The following AKT3 variants were observed in gnomAD, a reference collection of about 807,000 sequenced individuals.
The protein encoded by AKT3 is AKT serine/threonine kinase 3, also known as RAC-gamma serine/threonine-protein kinase.
In AKT3, 15 loss-of-function variants were observed where a neutral mutation model predicts 65.3. The observed-to-expected ratio is 0.23, with a 90% CI of 0.15 to 0.35. The LOEUF (loss-of-function observed/expected upper bound fraction) is 0.35, where lower values mean the gene tolerates loss of function less well. Ranked by LOEUF, AKT3 falls within the 10% of genes least tolerant of loss-of-function variation. AKT3 has a pLI of 1.00. For missense variants in AKT3, 243 were observed against 576.5 expected (o/e 0.42, Z 5.92); for synonymous variants, 206 against 183.8 (o/e 1.12, Z -0.98).
intron 3 of AKT3, among the ~76,000 whole-genome samples, chr1:243,681,845 T>C (rs1283532431): frequency 6.6e-6 from 1 of 152,178 alleles, no homozygotes; most frequent in Non-Finnish European, 1.5e-5. Context: ...TAATAATATT[T>C]ATTTCATGTT....
At chr1:243,535,208 T>TTTTAAAATA (rs1408970133) in intron 12 of AKT3, among the ~76,000 whole-genome samples, 1,017 of 47,108 alleles carry the variant, frequency 0.022, 20 homozygotes, top group African/African-American at 0.036. Context: ...ATTTTAAAAT[T>TTTTAAAATA]ATTTTAAAAT....
chr1:243,513,297 A>G (rs886429726), intron 12 of AKT3, among the ~76,000 whole-genome samples: 2 of 152,160 alleles, frequency 1.3e-5, no homozygotes, highest in African/African-American at 4.8e-5. Context: ...CTAGCACAGG[A>G]TGCCCAGTCC....
intron 2 of AKT3, among the ~76,000 whole-genome samples, chr1:243,803,902 A>C (rs1231910181): frequency 1.3e-5 from 2 of 152,194 alleles, no homozygotes. Flanking sequence ...AATTTACCAT[A>C]TAACTGGTGA....
chr1:243,573,410 T>C (rs1046790717), intron 8 of AKT3, among the ~76,000 whole-genome samples: 1 of 152,138 alleles, frequency 6.6e-6, no homozygotes, highest in Non-Finnish European at 1.5e-5. Context: ...CTAAAATAAA[T>C]GAACACAAGC....
intron 10 of AKT3, among the ~76,000 whole-genome samples, chr1:243,557,110 C>A (rs936890767): frequency 2.0e-5 from 3 of 152,010 alleles, no homozygotes; most frequent in African/African-American, 7.2e-5. Context: ...CAGGAAAAAT[C>A]CTTTGACAAG....
Position 243,774,082 on chromosome 1 carries a change from T to G in AKT3, c.46+69043A>C, listed in dbSNP as rs369807787. Among the ~76,000 whole-genome samples, 6 of 152,350 alleles carry G rather than the reference T, an allele frequency of 3.9e-5. No individual in the cohort carries two copies. The East Asian group carries it at 1.2e-3, about 29-fold the overall frequency. On this transcript the variant is annotated intron_variant, in intron 2 of 13. Transcript: ENST00000673466. ...GAAAAAAAAGGTCACAAAAGGGTCCTAGAGACAAACTTTTCCTACTTTGTA... is the reference window on the plus strand; with the variant it reads ...GAAAAAAAAGGTCACAAAAGGGTCCGAGAGACAAACTTTTCCTACTTTGTA...
At position 243,500,910 on chromosome 1, in the gene AKT3, CATAAG is replaced by C. The variant is rs1669233778; in HGVS notation, c.*4334_*4338del. On this transcript the variant is annotated 3_prime_UTR_variant, in exon 14 of 14. Coordinates refer to ENST00000673466, the MANE Select transcript of AKT3 (RefSeq NM_005465.7). ...AATGTGCTAGACATAAAGGCTGTCA[CATAAG>C]ATATTTTAATTGTCCTTAATTCTGT... 8.8e-6 allele frequency: 2 copies of C among 227,928 alleles called. No homozygotes were observed. The highest frequency in any genetic ancestry group is 1.8e-4 in the South Asian group (1 of 5,484). 14.1% of individuals were successfully genotyped at this position (227,928 alleles called of 1,614,324 possible). A position where few individuals can be genotyped will look rare whatever the true frequency, so the allele number is the denominator to read the frequency against.
intron 8 of AKT3, among the ~76,000 whole-genome samples, chr1:243,603,610 G>T (rs1484861815): frequency 6.6e-6 from 1 of 152,020 alleles, no homozygotes; most frequent in Non-Finnish European, 1.5e-5. Flanking sequence ...CTCACTTCCT[G>T]GGTTTTAACA....
intron 10 of AKT3, among the ~76,000 whole-genome samples, chr1:243,558,384 C>T (rs142946969): frequency 1.3e-5 from 2 of 151,930 alleles, no homozygotes; most frequent in African/African-American, 4.8e-5. Flanking sequence ...TCTATTTCAG[C>T]TATTTTAAAA....
At chr1:243,698,414 A>C (rs1411953636) in intron 2 of AKT3, among the ~76,000 whole-genome samples, 1 of 152,086 alleles carries the variant, frequency 6.6e-6, no homozygotes, top group Non-Finnish European at 1.5e-5. Context: ...AAGAAATGTA[A>C]AATTAAAAGA....
At chr1:243,556,644 T>C (rs78887304) in intron 10 of AKT3, among the ~76,000 whole-genome samples, 4,433 of 152,218 alleles carry the variant, frequency 0.029, 110 homozygotes, top group Non-Finnish European at 0.044. Flanking sequence ...ACTGCGAACT[T>C]GGATGAACCA....
intron 2 of AKT3, among the ~76,000 whole-genome samples, chr1:243,764,363 T>C (rs757363530): frequency 7.9e-5 from 12 of 151,976 alleles, no homozygotes; most frequent in Non-Finnish European, 1.6e-4. Flanking sequence ...GGGAAAAAAA[T>C]ACATTTGTGC....
chr1:243,743,584 TACA>T (rs1688297413), intron 2 of AKT3, among the ~76,000 whole-genome samples: 1 of 152,232 alleles, frequency 6.6e-6, no homozygotes, highest in African/African-American at 2.4e-5. Context: ...ATAACTAATT[TACA>T]ACAGCCCTTC....
At chr1:243,810,501 C>A (rs544884377) in intron 2 of AKT3, among the ~76,000 whole-genome samples, 6 of 152,136 alleles carry the variant, frequency 3.9e-5, no homozygotes, top group Admixed American at 2.6e-4. Context: ...CTGAAAGGAC[C>A]AATAACAGGC....
At chr1:243,757,947 G>C (rs1164334231) in intron 2 of AKT3, among the ~76,000 whole-genome samples, 1 of 152,026 alleles carries the variant, frequency 6.6e-6, no homozygotes, top group East Asian at 1.9e-4. Flanking sequence ...ATTTTCAGTA[G>C]AGACGGAGTT....
chr1:243,538,815 G>C, intron 12 of AKT3, among the ~76,000 whole-genome samples: 2 of 150,394 alleles, frequency 1.3e-5, no homozygotes, highest in Non-Finnish European at 3.0e-5. Context: ...GCACAAAATA[G>C]CAAGACCCCA....
intron 2 of AKT3, among the ~76,000 whole-genome samples, chr1:243,801,617 T>C (rs1558824061): frequency 6.6e-6 from 1 of 152,182 alleles, no homozygotes; most frequent in East Asian, 1.9e-4. Context: ...GGGAAACTCT[T>C]TGAAACAGAG....
Position 243,633,425 on chromosome 1 carries a change from A to G in AKT3, c.561+4186T>C. Among the ~76,000 whole-genome samples, 3 of 152,332 alleles carry G rather than the reference A, an allele frequency of 2.0e-5. No homozygotes were observed. The South Asian group carries it at 6.2e-4, about 32-fold the overall frequency. On this transcript the variant is annotated intron_variant, in intron 6 of 13. Transcript: ENST00000673466. ...GCTTTCTACATGATTAAAGAGACTCATACATTAAAAAATTAGTAGTCTTGT... is the reference window on the plus strand; with the variant it reads ...GCTTTCTACATGATTAAAGAGACTCGTACATTAAAAAATTAGTAGTCTTGT...
chr1:243,573,160 T>C (rs1165400490), intron 8 of AKT3, 112 bp from the exon 9 acceptor site: 4 of 1,259,524 alleles, frequency 3.2e-6, no homozygotes, highest in Admixed American at 2.4e-5. Flanking sequence ...GATAGTGTAC[T>C]CTCAGTGGAC....
Sources: gnomAD v4.1 joint callset for allele counts (sites outside exome capture counted in the v4.1 genomes callset) on GRCh38, gnomAD v4.1.1 for gene constraint, MANE v1.5 for transcripts, NCBI Gene and HGNC (gene_info 2026-07-23, HGNC 2026-07-21) for gene names.